The following CLDN16 variants were observed in gnomAD, a reference collection of about 807,000 sequenced individuals.
The protein encoded by CLDN16 is claudin-16.
A neutral mutation model predicts 24.6 loss-of-function variants in CLDN16; 13 were observed. That is an observed-to-expected ratio of 0.53 (90% CI 0.34 to 0.84). The LOEUF is 0.84. CLDN16 is among the 40% of genes least tolerant of loss of function. CLDN16 has a pLI of 0.01. For missense variants in CLDN16, 298 were observed against 292.7 expected, an observed-to-expected ratio of 1.02 and a Z score of -0.13; for synonymous variants, 116 against 106.7, an observed-to-expected ratio of 1.09 and a Z score of -0.54.
intron 3 of CLDN16, among the ~76,000 whole-genome samples, chr3:190,376,184 T>C (rs1236809203): frequency 2.0e-5 from 3 of 151,902 alleles, no homozygotes; most frequent in Non-Finnish European, 4.4e-5. Flanking sequence ...TTAAGAATCC[T>C]GTACCAATTT....
intron 1 of CLDN16, among the ~76,000 whole-genome samples, chr3:190,323,459 CTA>C (rs756656942): frequency 6.6e-6 from 1 of 152,154 alleles, no homozygotes; most frequent in African/African-American, 2.4e-5. Flanking sequence ...TAGTTTCCCT[CTA>C]TGTTTCTCCA....
At chr3:190,398,965 A>C (rs753317258) in intron 1 of CLDN16, among the ~76,000 whole-genome samples, 11 of 152,202 alleles carry the variant, frequency 7.2e-5, no homozygotes, top group Admixed American at 3.3e-4. Flanking sequence ...TATATGTTGA[A>C]TTTCACAAGA....
the CLDN16 span, chr3:190,310,228 T>A: frequency 1.9e-6 from 3 of 1,613,786 alleles, no homozygotes; most frequent in East Asian, 6.7e-5. Flanking sequence ...TGCCATACCA[T>A]GCTGTGGCAA....
the CLDN16 span, chr3:190,310,093 C>T: frequency 1.7e-6 from 2 of 1,162,288 alleles, no homozygotes; most frequent in African/African-American, 1.5e-5. Context: ...GAAATGATGG[C>T]ACTAGCAGGA....
the CLDN16 span, among the ~76,000 whole-genome samples, chr3:190,300,551 T>C: frequency 6.6e-6 from 1 of 152,210 alleles, no homozygotes; most frequent in Non-Finnish European, 1.5e-5. Context: ...CGAAGAACGA[T>C]ACAAGCGACT....
rs554229898 is a variant in CLDN16, at chr3:190,338,309, C to G, written n.121+15648C>G. Reference sequence around the variant, plus strand: ...CTAGTTCTTCAAGTGGACCAACAAGCAAGAAAAGGAATTATTATACTGCCA... The same window carrying G: ...CTAGTTCTTCAAGTGGACCAACAAGGAAGAAAAGGAATTATTATACTGCCA... On this transcript the variant is annotated intron_variant and non_coding_transcript_variant, in intron 1 of 4. Transcript: ENST00000468220. Among the ~76,000 whole-genome samples the G allele has an allele frequency of 3.9e-5, 6 of 152,190 alleles. No individual in the cohort carries two copies. In the East Asian group the frequency reaches 9.7e-4, roughly 24 times the overall value.
At chr3:190,338,716 C>T (rs1717365014) in intron 1 of CLDN16, among the ~76,000 whole-genome samples, 1 of 152,186 alleles carries the variant, frequency 6.6e-6, no homozygotes, top group Admixed American at 6.5e-5. Flanking sequence ...GTAATTCATC[C>T]TACAAATGCT....
intron 1 of CLDN16, among the ~76,000 whole-genome samples, chr3:190,359,171 A>G (rs1717837351): frequency 6.6e-6 from 1 of 152,060 alleles, no homozygotes; most frequent in African/African-American, 2.4e-5. Context: ...TGTTTTAAGC[A>G]TCTCCTGCAA....
At chr3:190,302,779 A>AAAAAATAT in the CLDN16 span, among the ~76,000 whole-genome samples, 3 of 140,206 alleles carry the variant, frequency 2.1e-5, no homozygotes, top group South Asian at 2.2e-4. Flanking sequence ...CTCAAAAAAA[A>AAAAAATAT]ATATATATAT....
intron 1 of CLDN16, among the ~76,000 whole-genome samples, chr3:190,347,970 G>A (rs1014823363): frequency 2.6e-5 from 4 of 151,772 alleles, no homozygotes; most frequent in Non-Finnish European, 2.9e-5. Context: ...TGGGCTGGGC[G>A]CGGTGGCTCA....
rs200851125 is a variant in CLDN16, at chr3:190,324,257, C to T, written n.121+1596C>T. 4.3e-4 allele frequency among the ~76,000 whole-genome samples: 66 copies of T among 152,146 alleles called. 1 individual carries two copies. The East Asian group carries it at 0.01, about 23-fold the overall frequency. ...CAACACTTTGGGAGGCTGAGGCAGGCGGATCACTTGAGATCAGGAGTTCGA... is the reference window on the plus strand; with the variant it reads ...CAACACTTTGGGAGGCTGAGGCAGGTGGATCACTTGAGATCAGGAGTTCGA... On this transcript the variant is annotated intron_variant and non_coding_transcript_variant, in intron 1 of 4. Coordinates refer to the CLDN16 transcript ENST00000468220.
chr3:190,386,942 A>G (rs1221509787), upstream of CLDN16, among the ~76,000 whole-genome samples: 1 of 152,216 alleles, frequency 6.6e-6, no homozygotes, highest in Non-Finnish European at 1.5e-5. Context: ...TGATCAAATA[A>G]TTTTCAAATG....
At chr3:190,374,778 C>A (rs572388933) in intron 3 of CLDN16, among the ~76,000 whole-genome samples, 2 of 151,880 alleles carry the variant, frequency 1.3e-5, no homozygotes, top group Non-Finnish European at 2.9e-5. Flanking sequence ...TTTAAAAAGA[C>A]CAAGGCTACT....
At chr3:190,409,838 A>T (rs1341386588) in intron 4 of CLDN16, 65 bp from the exon 5 acceptor site, 2 of 1,469,904 alleles carry the variant, frequency 1.4e-6, no homozygotes, top group African/African-American at 2.8e-5. Context: ...GAACATATAA[A>T]ATGGTATTTT....
At chr3:190,366,349 C>A (rs941401546) in intron 1 of CLDN16, among the ~76,000 whole-genome samples, 4 of 151,908 alleles carry the variant, frequency 2.6e-5, no homozygotes, top group Non-Finnish European at 5.9e-5. Context: ...ACACAGCATG[C>A]CAACGCTATG....
chr3:190,351,110 TC>T (rs542572098), intron 1 of CLDN16, among the ~76,000 whole-genome samples: 476 of 151,202 alleles, frequency 3.1e-3, no homozygotes, highest in Non-Finnish European at 4.7e-3. Flanking sequence ...GACTGTGCAC[TC>T]CCCCCCACCC....
intron 1 of CLDN16, among the ~76,000 whole-genome samples, chr3:190,337,233 C>A (rs1472705815): frequency 2.0e-5 from 3 of 152,130 alleles, no homozygotes; most frequent in African/African-American, 7.2e-5. Context: ...TGACAAATGG[C>A]TTAAAAGAAC....
the CLDN16 span, among the ~76,000 whole-genome samples, chr3:190,302,406 CTGGG>C: frequency 2.0e-5 from 3 of 152,228 alleles, no homozygotes; most frequent in African/African-American, 7.2e-5. Flanking sequence ...TTCATGGCTG[CTGGG>C]TTGCACAACT....
At chr3:190,386,423 C>T (rs148502947), upstream of CLDN16, among the ~76,000 whole-genome samples, 213 of 152,140 alleles carry the variant, frequency 1.4e-3, 3 homozygotes, top group East Asian at 0.035. Flanking sequence ...ATGTCAGAAA[C>T]GAAGGACAGT....
Sources: gnomAD v4.1 joint callset for allele counts (sites outside exome capture counted in the v4.1 genomes callset) on GRCh38, gnomAD v4.1.1 for gene constraint, MANE v1.5 for transcripts, NCBI Gene and HGNC (gene_info 2026-07-23, HGNC 2026-07-21) for gene names.